The following UTP20 variants were observed in gnomAD, a reference collection of about 807,000 sequenced individuals.
UTP20 encodes the protein small subunit processome component 20 homolog.
UTP20 carries 164 observed loss-of-function variants against 329.5 expected under a neutral mutation model. The observed-to-expected ratio is 0.50, with a 90% CI of 0.44 to 0.57. UTP20 has a LOEUF of 0.57. Ranked by LOEUF, UTP20 falls within the 20% of genes least tolerant of loss-of-function variation. The probability of loss-of-function intolerance (pLI) is 0.00; values close to 1 mark genes in which losing one functional copy is unlikely to be tolerated. For synonymous variants in UTP20, 1,151 were observed against 1,159.3 expected (o/e 0.99, Z 0.14); for missense variants, 3,055 against 3,284.2 (o/e 0.93, Z 1.71).
At chr12:101,316,362 A>T (rs975022586) in intron 21 of UTP20, among the ~76,000 whole-genome samples, 11 of 152,230 alleles carry the variant, frequency 7.2e-5, no homozygotes, top group African/African-American at 2.4e-4. Flanking sequence ...TCACGGAGAT[A>T]AAGGTTACAG....
At chr12:101,343,634 C>T (rs1029624986) in intron 35 of UTP20, among the ~76,000 whole-genome samples, 3 of 152,028 alleles carry the variant, frequency 2.0e-5, no homozygotes, top group Admixed American at 6.6e-5. Context: ...CTCAGCCTCC[C>T]GAATAGTAGC....
At position 101,286,506 on chromosome 12, in the gene UTP20, A is replaced by G; in HGVS notation, c.512A>G (p.Tyr171Cys). 6.3e-7 allele frequency: 1 copy of G among 1,582,352 alleles called. No homozygotes were observed. The highest frequency in any genetic ancestry group is 1.7e-4 in the Middle Eastern group (1 of 5,906). The change falls in exon 5 of 62, where the codon TAC (tyrosine) becomes TGC (cysteine). Residue 171 changes from tyrosine to cysteine, a missense_variant. Around this residue, in one of 3 missense-constraint regions of UTP20, gnomAD observed 2,445 missense variants for 2,575.5 expected, o/e 0.95. Transcript: ENST00000261637. ...RLMVKDMSSI[Y>C]SMYSTLLAHK... ...ATGGTGAAGGACATGTCCAGTATATACAGGTAACCCCTTTCTCTCTCTAGT... is the reference window on the plus strand; with the variant it reads ...ATGGTGAAGGACATGTCCAGTATATGCAGGTAACCCCTTTCTCTCTCTAGT...
In UTP20 at chr12:101,290,983, T is replaced by G; in HGVS notation, c.891+95T>G. The stretch of plus-strand genomic sequence containing the variant: ...TTGCAAATCACTCCTAGAAGTTATA[T>G]TTTATAATTGTTTTATTTATACTTC... On this transcript the variant is annotated intron_variant, in intron 8 of 61. Transcript: ENST00000261637. 7.6e-6 allele frequency: 10 copies of G among 1,313,096 alleles called. No individual in the cohort carries two copies. In the South Asian group the frequency reaches 1.4e-4, roughly 18 times the overall value. 81.3% of individuals were successfully genotyped at this position (1,313,096 alleles called of 1,614,324 possible).
At chr12:101,320,733 G>A (rs1430452671) in intron 23 of UTP20, 119 bp from the exon 24 acceptor site, 6 of 724,770 alleles carry the variant, frequency 8.3e-6, no homozygotes, top group Non-Finnish European at 1.3e-5. Flanking sequence ...ATCAGGTTTA[G>A]GTCTTGTGTA....
rs1363103397 is a variant in UTP20 at position 101,306,725 on chromosome 12, A to G, written c.1959A>G (p.Leu653=). 6.2e-7 allele frequency: 1 copy of G among 1,607,104 alleles called. No individual in the cohort carries two copies. The highest frequency in any genetic ancestry group is 1.1e-5 in the South Asian group (1 of 89,418). The change falls in exon 17 of 62, where the codon CTA becomes CTG. Residue 653 remains leucine (L), a synonymous_variant. Coordinates refer to ENST00000261637, the MANE Select transcript of UTP20 (RefSeq NM_014503.3). The part of the protein sequence containing the change: ...SKIRLLTIRI[L]NHFDVQLPES... ...TTCGGCTTTTGACAATAAGGATCCT[A>G]AACCATTTTGATGTCCAGCTTCCAG... is the stretch of plus-strand genomic sequence containing the variant.
chr12:101,385,721 C>T lies in UTP20; in HGVS notation c.8195C>T (p.Ala2732Val), dbSNP rs768208738. 2 of 1,610,554 alleles carry T rather than the reference C, an allele frequency of 1.2e-6. No individual in the cohort carries two copies. Among genetic ancestry groups the T allele is most frequent in the East Asian group, 2.2e-5 (1 of 44,832 alleles). Reference sequence around the variant, plus strand: ...AGGGCACTCCGGAAAAAGAGGAAGGCCCTGGAGGTAAGTTTGCTCTTTGAA... The same window carrying T: ...AGGGCACTCCGGAAAAAGAGGAAGGTCCTGGAGGTAAGTTTGCTCTTTGAA... ...EKRALRKKRK[A>V]LEFVTNPDIA... The change falls in exon 61 of 62, where the codon GCC (alanine) becomes GTC (valine). Residue 2732 changes from alanine (A) to valine (V), a missense_variant. Physicochemically the swap from Ala to Val is moderately conservative, Grantham distance 64 (BLOSUM62 0). Coordinates refer to ENST00000261637, the MANE Select transcript of UTP20 (RefSeq NM_014503.3).
intron 13 of UTP20, 36 bp downstream of exon 13, chr12:101,299,873 T>G (rs747558517): frequency 1.9e-6 from 3 of 1,603,628 alleles, no homozygotes; most frequent in Non-Finnish European, 8.5e-7. Context: ...TTGAAAGAGA[T>G]AACATGCTGA....
Position 101,280,146 on chromosome 12 carries a change from G to A in UTP20, c.-137G>A. On this transcript the variant is annotated 5_prime_UTR_variant, in exon 1 of 62. Coordinates refer to ENST00000261637, the MANE Select transcript of UTP20 (RefSeq NM_014503.3). The stretch of plus-strand genomic sequence containing the variant: ...GTCTCCAACATGGCGGCGCCCAGGG[G>A]CTCAAGCCGCACGTGAGAAAGTCTG... The A allele has an allele frequency of 8.6e-7, 1 of 1,166,028 alleles. No homozygotes were observed. Among genetic ancestry groups the A allele is most frequent in the Non-Finnish European group, 1.2e-6 (1 of 831,720 alleles). The allele number at this position is 1,166,028 out of a possible 1,614,324, so 72.2% of individuals were successfully genotyped here.
Position 101,290,802 on chromosome 12 carries a change from A to T in UTP20, c.805A>T (p.Ile269Phe). ...ETETQLPWML[I>F]GETLKNMVKS... ...AGAAACTCAACTACCATGGATGTTAATTGGAGAAACACTCAAAAACATGGT... is the reference window on the plus strand; with the variant it reads ...AGAAACTCAACTACCATGGATGTTATTTGGAGAAACACTCAAAAACATGGT... Residue 269 changes from isoleucine (I) to phenylalanine (F), a missense_variant, in exon 8 of 62, where the codon ATT becomes TTT. This residue lies in a region of UTP20 where 2,445 missense variants were observed against 2,575.5 expected (regional missense o/e 0.95). Coordinates refer to ENST00000261637, the MANE Select transcript of UTP20 (RefSeq NM_014503.3). The T allele has an allele frequency of 6.2e-7, 1 of 1,614,014 alleles. No homozygotes were observed. The highest frequency in any genetic ancestry group is 8.5e-7 in the Non-Finnish European group (1 of 1,179,934).
chr12:101,361,901 C>A, intron 43 of UTP20, 61 bp from the exon 44 acceptor site: 1 of 1,338,248 alleles, frequency 7.5e-7, no homozygotes, highest in Non-Finnish European at 1.1e-6. Flanking sequence ...CTTCCTAGAT[C>A]TTATGTTTTC....
chr12:101,322,139 GCCAC>G (rs1868386919), intron 25 of UTP20, among the ~76,000 whole-genome samples: 1 of 151,942 alleles, frequency 6.6e-6, no homozygotes, highest in African/African-American at 2.4e-5. Context: ...ACAAGCGTGC[GCCAC>G]CATGCCTGGC....
At chr12:101,302,091 C>A (rs573677669) in intron 14 of UTP20, among the ~76,000 whole-genome samples, 1 of 152,096 alleles carries the variant, frequency 6.6e-6, no homozygotes, top group Non-Finnish European at 1.5e-5. Context: ...CCACCATGCC[C>A]AGCTAATTTT....
intron 36 of UTP20, among the ~76,000 whole-genome samples, chr12:101,345,001 A>G (rs1043574320): frequency 1.6e-5 from 2 of 125,910 alleles, no homozygotes; most frequent in Non-Finnish European, 3.1e-5. Context: ...GCTGGACTAC[A>G]GTGGCGTGAT....
intron 32 of UTP20, among the ~76,000 whole-genome samples, chr12:101,341,581 G>A (rs937005890): frequency 1.3e-5 from 2 of 152,098 alleles, no homozygotes; most frequent in African/African-American, 2.4e-5. Flanking sequence ...GAAAATATTT[G>A]GAGAAATAAC....
chr12:101,314,739 CAG>C (rs1221998280), intron 21 of UTP20, among the ~76,000 whole-genome samples: 1 of 151,586 alleles, frequency 6.6e-6, no homozygotes, highest in Non-Finnish European at 1.5e-5. Flanking sequence ...AAAAAAGAAA[CAG>C]ACATAGGGAT....
At position 101,299,831 on chromosome 12, in the gene UTP20, A is replaced by G. The variant is rs983657120; in HGVS notation, c.1580A>G (p.His527Arg). The G allele has an allele frequency of 6.2e-7, 1 of 1,603,852 alleles. No individual in the cohort carries two copies. The highest frequency in any genetic ancestry group is 1.1e-5 in the South Asian group (1 of 88,448). ...TGGGCAGCCCTCGTGGTGTTACCTC[A>G]TATTAGGTAAGAAAATAAGCTATGT... ...QSWAALVVLP[H>R]IRPLEKEKVI... Residue 527 changes from histidine (H) to arginine (R), a missense_variant, in exon 13 of 62, where the codon CAT becomes CGT. By Grantham distance (29) the His-to-Arg change is conservative. Transcript: ENST00000261637.
chr12:101,307,684 A>G (rs1029212968), intron 17 of UTP20, among the ~76,000 whole-genome samples: 1 of 152,108 alleles, frequency 6.6e-6, no homozygotes, highest in African/African-American at 2.4e-5. Flanking sequence ...GCCAATATCT[A>G]TCTCATTCCT....
In UTP20 at chr12:101,354,942, G is replaced by GGAACCCCTGATCCAGCTGACTC. The variant is rs1405053064; in HGVS notation, c.5219_5240dup (p.Gly1748AsnfsTer3). On this transcript the variant is annotated frameshift_variant, in exon 41 of 62. Coordinates refer to ENST00000261637, the MANE Select transcript of UTP20 (RefSeq NM_014503.3). LOFTEE classifies it high-confidence loss of function. The stretch of plus-strand genomic sequence containing the variant: ...GAGTTTGTCAGACAACGGACAACCG[G>GGAACCCCTGATCCAGCTGACTC]GAACCCCTGATCCAGCTGACTCTGG... 2 of 1,614,020 alleles carry GGAACCCCTGATCCAGCTGACTC rather than the reference G, an allele frequency of 1.2e-6. No individual in the cohort carries two copies. The highest frequency in any genetic ancestry group is 1.7e-6 in the Non-Finnish European group (2 of 1,180,014).
chr12:101,292,589 A>T (rs372873628), intron 10 of UTP20, among the ~76,000 whole-genome samples: 27 of 152,346 alleles, frequency 1.8e-4, no homozygotes, highest in African/African-American at 6.0e-4. Flanking sequence ...TATTTGGGAT[A>T]GTCCTTGAAG....
Sources: gnomAD v4.1 joint callset for allele counts (sites outside exome capture counted in the v4.1 genomes callset) on GRCh38, gnomAD v4.1.1 for gene constraint, gnomAD v4.1.1 regional missense constraint, MANE v1.5 for transcripts, NCBI Gene and HGNC (gene_info 2026-07-23, HGNC 2026-07-21) for gene names.